Variants in RGPD2 observed in about 807,000 individuals in gnomAD.
RGPD2 encodes the protein RANBP2-like and GRIP domain-containing protein 2.
A neutral mutation model predicts 36.0 loss-of-function variants in RGPD2; 2 were observed. The observed-to-expected ratio is 0.06, with a 90% CI of 0.02 to 0.17. RGPD2 has a LOEUF of 0.17. RGPD2 is among the 10% of genes least tolerant of loss of function. RGPD2 has a pLI of 1.00. For missense variants in RGPD2, 40 were observed against 464.3 expected, an observed-to-expected ratio of 0.09 and a Z score of 8.40; for synonymous variants, 19 against 163.8, an observed-to-expected ratio of 0.12 and a Z score of 6.75.
chr2:87,939,692 T>C, the RGPD2 span, among the ~76,000 whole-genome samples: 1 of 151,844 alleles, frequency 6.6e-6, no homozygotes. Flanking sequence ...ATGAAGATGA[T>C]GACAGCCCAG....
the RGPD2 span, among the ~76,000 whole-genome samples, chr2:87,836,270 AAAG>A: frequency 9.3e-5 from 14 of 151,022 alleles, no homozygotes; most frequent in East Asian, 2.7e-3. Context: ...AGGAAGGAAG[AAAG>A]AAGAAAGAAA....
At chr2:87,845,785 CT>C in the RGPD2 span, among the ~76,000 whole-genome samples, 1 of 151,944 alleles carries the variant, frequency 6.6e-6, no homozygotes, top group Non-Finnish European at 1.5e-5. Context: ...GCTTTATTAC[CT>C]TTTTTAATAT....
the RGPD2 span, among the ~76,000 whole-genome samples, chr2:87,847,640 A>G: frequency 6.6e-6 from 1 of 151,754 alleles, no homozygotes; most frequent in African/African-American, 2.4e-5. Flanking sequence ...CTGGGACCAC[A>G]GGTGCATGCC....
the RGPD2 span, among the ~76,000 whole-genome samples, chr2:87,877,799 C>T: frequency 1.9e-3 from 200 of 106,004 alleles, no homozygotes; most frequent in Non-Finnish European, 1.8e-3. Flanking sequence ...AGTGAGACTC[C>T]GTCTCAAAAA....
the RGPD2 span, among the ~76,000 whole-genome samples, chr2:87,881,216 C>T: frequency 6.6e-6 from 1 of 150,826 alleles, no homozygotes; most frequent in South Asian, 2.1e-4. Context: ...TGTTGAGTGG[C>T]TGCAACTTTT....
the RGPD2 span, among the ~76,000 whole-genome samples, chr2:87,973,493 G>A: frequency 7.5e-6 from 1 of 133,288 alleles, no homozygotes; most frequent in Non-Finnish European, 1.7e-5. Flanking sequence ...GTTTTGAGAG[G>A]GTGGATGGGT....
chr2:87,798,868 GA>G (rs548118046), intron 8 of RGPD2, among the ~76,000 whole-genome samples: 431 of 71,716 alleles, frequency 6.0e-3, no homozygotes, highest in African/African-American at 0.014. Context: ...ACTGTCTCAG[GA>G]AAAAAAAAAA....
chr2:87,921,291 G>A, the RGPD2 span, among the ~76,000 whole-genome samples: 2 of 152,100 alleles, frequency 1.3e-5, no homozygotes, highest in African/African-American at 4.8e-5. Flanking sequence ...TAAGCCCCCA[G>A]GGAAGCTTTT....
At chr2:87,985,723 T>A in the RGPD2 span, 5 of 1,581,456 alleles carry the variant, frequency 3.2e-6, no homozygotes, top group Non-Finnish European at 4.3e-6. Flanking sequence ...TTGTATTTAC[T>A]TACATTTCTA....
chr2:87,951,711 A>G, the RGPD2 span, among the ~76,000 whole-genome samples: 43 of 147,884 alleles, frequency 2.9e-4, no homozygotes, highest in African/African-American at 1.0e-3. Context: ...CAGCCTCCCA[A>G]GTAGCTGGGA....
the RGPD2 span, among the ~76,000 whole-genome samples, chr2:87,842,153 A>G: frequency 2.0e-5 from 3 of 152,330 alleles, no homozygotes; most frequent in Admixed American, 2.0e-4. Context: ...CTGGCACAAG[A>G]CAGGGATGCC....
chr2:87,947,224 C>T, the RGPD2 span, among the ~76,000 whole-genome samples: 1 of 151,746 alleles, frequency 6.6e-6, no homozygotes, highest in South Asian at 2.1e-4. Context: ...CACCACACAA[C>T]CTGGAAGAGA....
the RGPD2 span, among the ~76,000 whole-genome samples, chr2:87,876,362 T>G: frequency 1.3e-5 from 2 of 152,206 alleles, no homozygotes; most frequent in Non-Finnish European, 2.9e-5. Context: ...GCTGTGGGCA[T>G]TTAGCACCAT....
rs199517257 is a variant in RGPD2 at position 87,825,067 on chromosome 2, A to C, written c.72+591T>G. 64 of 375,222 alleles carry C rather than the reference A, an allele frequency of 1.7e-4. No homozygotes were observed. The East Asian group carries it at 2.0e-3, about 11-fold the overall frequency. 23.2% of individuals were successfully genotyped at this position (375,222 alleles called of 1,614,324 possible). Reference sequence around the variant, plus strand: ...ATCTACCCCCCTCACCAAAGCCCATAAAAATAAAAAACTATAGTAAACCCT... The same window carrying C: ...ATCTACCCCCCTCACCAAAGCCCATCAAAATAAAAAACTATAGTAAACCCT... On this transcript the variant is annotated intron_variant, in intron 1 of 22. Transcript: ENST00000398146.
the RGPD2 span, among the ~76,000 whole-genome samples, chr2:87,915,321 T>G: frequency 1.9e-5 from 2 of 105,254 alleles, no homozygotes; most frequent in South Asian, 5.2e-4. Context: ...TATATGTATA[T>G]TATATATATT....
the RGPD2 span, among the ~76,000 whole-genome samples, chr2:87,866,900 G>C: frequency 5.9e-5 from 9 of 152,384 alleles, no homozygotes; most frequent in Middle Eastern, 3.4e-3. Flanking sequence ...GTCCGGCTTT[G>C]TCCGAGCCAG....
chr2:87,861,331 T>A, the RGPD2 span, among the ~76,000 whole-genome samples: 45 of 152,240 alleles, frequency 3.0e-4, no homozygotes, highest in African/African-American at 9.9e-4. Flanking sequence ...AATGGATACA[T>A]ATTTCTTTCT....
chr2:87,827,192 G>A (rs924840107), upstream of RGPD2, among the ~76,000 whole-genome samples: 13 of 152,172 alleles, frequency 8.5e-5, no homozygotes, highest in Non-Finnish European at 1.9e-4. Context: ...GTATGCGTGT[G>A]CATGTGTGTG....
At chr2:87,879,501 C>T in the RGPD2 span, among the ~76,000 whole-genome samples, 1 of 129,602 alleles carries the variant, frequency 7.7e-6, no homozygotes, top group African/African-American at 3.0e-5. Flanking sequence ...AAATGTCCTC[C>T]TACTCTCTAT....
Sources: gnomAD v4.1 joint callset for allele counts (sites outside exome capture counted in the v4.1 genomes callset) on GRCh38, gnomAD v4.1.1 for gene constraint, MANE v1.5 for transcripts, NCBI Gene and HGNC (gene_info 2026-07-23, HGNC 2026-07-21) for gene names.